The following CNKSR2 variants were observed in gnomAD, a reference collection of about 807,000 sequenced individuals.
CNKSR2 encodes CNK homolog protein 2.
CNKSR2 carries 14 observed loss-of-function variants against 84.4 expected under a neutral mutation model. The ratio of observed to expected loss-of-function variants is 0.17; its 90% CI spans 0.11 to 0.26. CNKSR2 has a LOEUF of 0.26. Ranked by LOEUF, CNKSR2 falls within the 10% of genes least tolerant of loss-of-function variation. The pLI, the probability that CNKSR2 is intolerant of heterozygous loss-of-function variation, is 1.00. For synonymous variants in CNKSR2, 275 were observed against 277.9 expected, an observed-to-expected ratio of 0.99 and a Z score of 0.10; for missense variants, 485 against 771.2, an observed-to-expected ratio of 0.63 and a Z score of 4.40.
chrX:21,545,655 C>T (rs1467319721), intron 11 of CNKSR2, among the ~76,000 whole-genome samples: 3 of 112,287 alleles, frequency 2.7e-5, no homozygotes, highest in Non-Finnish European at 5.6e-5. Context: ...TTGACAGACA[C>T]CTCATACAGG....
At chrX:21,452,305 G>T (rs2090943287) in intron 4 of CNKSR2, among the ~76,000 whole-genome samples, 1 of 110,946 alleles carries the variant, frequency 9.0e-6, no homozygotes, top group South Asian at 3.8e-4. Flanking sequence ...TGTTGACCAG[G>T]TTGGTCTCGA....
At chrX:21,532,200 A>G (rs2091892347) in intron 11 of CNKSR2, 133 bp downstream of exon 11, 1 of 390,484 alleles carries the variant, frequency 2.6e-6, no homozygotes, top group Non-Finnish European at 4.4e-6. Context: ...TGTCTCTCTC[A>G]TGTGCTTCTA....
intron 20 of CNKSR2, among the ~76,000 whole-genome samples, chrX:21,619,905 A>C (rs1241634386): frequency 9.0e-6 from 1 of 111,302 alleles, no homozygotes; most frequent in Admixed American, 9.6e-5. Context: ...GACAGCTGGA[A>C]TCAGTGTGGC....
intron 20 of CNKSR2, among the ~76,000 whole-genome samples, chrX:21,626,602 CAGAT>C (rs1278161360): frequency 8.9e-6 from 1 of 112,014 alleles, no homozygotes; most frequent in African/African-American, 3.2e-5. Flanking sequence ...GAAGATCTAA[CAGAT>C]AGAAAGTAGG....
At chrX:21,535,254 G>A (rs1352548403) in intron 11 of CNKSR2, among the ~76,000 whole-genome samples, 1 of 111,553 alleles carries the variant, frequency 9.0e-6, no homozygotes, top group Non-Finnish European at 1.9e-5. Context: ...TTTTATACCA[G>A]TGCAATGCTG....
At chrX:21,452,157 C>T (rs768881927) in intron 4 of CNKSR2, among the ~76,000 whole-genome samples, 2 of 111,840 alleles carry the variant, frequency 1.8e-5, no homozygotes, top group African/African-American at 3.3e-5. Context: ...GTGGCGCAAT[C>T]TCGGCTCACT....
intron 4 of CNKSR2, among the ~76,000 whole-genome samples, chrX:21,455,492 T>A (rs2090984943): frequency 8.9e-6 from 1 of 112,108 alleles, no homozygotes; most frequent in Non-Finnish European, 1.9e-5. Context: ...AAATGAAACT[T>A]TTATACCCAA....
intron 1 of CNKSR2, among the ~76,000 whole-genome samples, chrX:21,410,552 T>C (rs2090329844): frequency 1.8e-5 from 2 of 111,410 alleles, no homozygotes; most frequent in Non-Finnish European, 3.8e-5. Flanking sequence ...TTATATTATT[T>C]TTAGGAAACA....
rs183124090 is a variant in CNKSR2, at chrX:21,648,618, C to G, written c.2693-213C>G. 1.0e-4 allele frequency among the ~76,000 whole-genome samples: 11 copies of G among 109,283 alleles called. No homozygotes were observed. The East Asian group carries it at 3.2e-3, about 31-fold the overall frequency. The allele number at this position is 109,283 out of a possible 115,157, so 94.9% of individuals were successfully genotyped here. On this transcript the variant is annotated intron_variant, in intron 20 of 21. Coordinates refer to ENST00000379510, the MANE Select transcript of CNKSR2 (RefSeq NM_014927.5). ...ATTAGCTGCCTGTAGCTAATGTTAC[C>G]CAATATAACTAGCAGCTGTGGGTTT...
At position 21,403,706 on chromosome X, in the gene CNKSR2, A is replaced by G. The variant is rs1248983282; in HGVS notation, c.65-22791A>G. Among the ~76,000 whole-genome samples, 7 of 112,034 alleles carry G rather than the reference A, an allele frequency of 6.2e-5. No individual in the cohort carries two copies. In the South Asian group the frequency reaches 2.2e-3, roughly 36 times the overall value. ...TGCTCATTATGCCAGCATGTATTAA[A>G]TACCTTCTGTGAACTAGGTTCTATT... is the stretch of plus-strand genomic sequence containing the variant. On this transcript the variant is annotated intron_variant, in intron 1 of 21. Transcript: ENST00000379510.
At chrX:21,425,997 C>A (rs2090560099) in intron 1 of CNKSR2, 1 of 112,555 alleles carries the variant, frequency 8.9e-6, no homozygotes, top group South Asian at 3.7e-4. Flanking sequence ...TAGAATGAGT[C>A]AATAGGCAAT....
At chrX:21,541,882 G>T (rs2091980325) in intron 11 of CNKSR2, among the ~76,000 whole-genome samples, 1 of 111,864 alleles carries the variant, frequency 8.9e-6, no homozygotes, top group Non-Finnish European at 1.9e-5. Flanking sequence ...CTTACCAGTG[G>T]TAATGCTAGC....
rs748694718 is a variant in CNKSR2, at chrX:21,411,869, A to G, written c.65-14628A>G. Among the ~76,000 whole-genome samples the G allele has an allele frequency of 1.1e-4, 12 of 111,526 alleles. No individual in the cohort carries two copies. In the South Asian group the frequency reaches 3.8e-3, roughly 35 times the overall value. ...TATTACCTCAGTGAAAGCAGGGGCC[A>G]TGTCCGTTTCTGCTCACTTTTCTTC... On this transcript the variant is annotated intron_variant, in intron 1 of 21. Transcript: ENST00000379510.
At chrX:21,451,591 C>T (rs1158125351) in intron 4 of CNKSR2, among the ~76,000 whole-genome samples, 1 of 104,900 alleles carries the variant, frequency 9.5e-6, no homozygotes, top group Non-Finnish European at 1.9e-5. Flanking sequence ...AGTAAACTAT[C>T]GCAAGGACAA....
intron 1 of CNKSR2, among the ~76,000 whole-genome samples, chrX:21,375,886 G>C (rs2089805972): frequency 9.0e-6 from 1 of 111,327 alleles, no homozygotes; most frequent in Non-Finnish European, 1.9e-5. Context: ...TCTGTTGTCT[G>C]AGTTAAGGGG....
At chrX:21,636,209 T>C (rs1788472804) in intron 20 of CNKSR2, among the ~76,000 whole-genome samples, 1 of 111,652 alleles carries the variant, frequency 9.0e-6, no homozygotes, top group Non-Finnish European at 1.9e-5. Flanking sequence ...TTACTTCACA[T>C]TGATTATCAT....
chrX:21,621,666 T>C (rs1400823561), intron 20 of CNKSR2, among the ~76,000 whole-genome samples: 5 of 111,172 alleles, frequency 4.5e-5, no homozygotes, highest in Non-Finnish European at 9.5e-5. Flanking sequence ...CTAATAGTAA[T>C]GTCATTCAGC....
At chrX:21,542,516 T>C (rs887774679) in intron 11 of CNKSR2, among the ~76,000 whole-genome samples, 4 of 112,039 alleles carry the variant, frequency 3.6e-5, no homozygotes, top group Non-Finnish European at 7.5e-5. Flanking sequence ...CATTAAATCA[T>C]TTTAACTATA....
chrX:21,552,896 A>C (rs1045934652), intron 11 of CNKSR2, among the ~76,000 whole-genome samples: 1 of 112,151 alleles, frequency 8.9e-6, no homozygotes, highest in Non-Finnish European at 1.9e-5. Flanking sequence ...GATAAGTAAA[A>C]ATTACACACT....
Sources: gnomAD v4.1 joint callset for allele counts (sites outside exome capture counted in the v4.1 genomes callset) on GRCh38, gnomAD v4.1.1 for gene constraint, MANE v1.5 for transcripts, NCBI Gene and HGNC (gene_info 2026-07-23, HGNC 2026-07-21) for gene names.